The following TMBIM6 variants were observed in gnomAD, a reference collection of about 807,000 sequenced individuals.
The protein encoded by TMBIM6 is bax inhibitor 1.
TMBIM6 carries 13 observed loss-of-function variants against 31.4 expected under a neutral mutation model. The observed-to-expected ratio is 0.41, with a 90% CI of 0.27 to 0.66. TMBIM6 has a LOEUF of 0.66. Ranked by LOEUF, TMBIM6 falls within the 30% of genes least tolerant of loss-of-function variation. The pLI is 0.28. For missense variants in TMBIM6, 275 were observed against 289.5 expected (o/e 0.95, Z 0.36); for synonymous variants, 85 against 101.7 (o/e 0.84, Z 0.99).
rs927680479 is a variant in TMBIM6 at position 49,752,634 on chromosome 12, G to A, written c.56+85G>A. 6 of 1,172,862 alleles carry A rather than the reference G, an allele frequency of 5.1e-6. No homozygotes were observed. The Admixed American group carries it at 5.7e-5, about 11-fold the overall frequency. 72.7% of individuals were successfully genotyped at this position (1,172,862 alleles called of 1,614,324 possible). ...TTTTCTGCATTTATAACTTTTGTGT[G>A]TATAAGCTAACAAATTAACTTGGCC... On this transcript the variant is annotated intron_variant, in intron 2 of 9. Coordinates refer to ENST00000267115, the MANE Select transcript of TMBIM6 (RefSeq NM_003217.3).
In TMBIM6 at chr12:49,763,796, C is replaced by T. The variant is rs1224012104; in HGVS notation, c.*900C>T. 1 of 152,100 alleles carries T rather than the reference C, an allele frequency of 6.6e-6. No homozygotes were observed. The highest frequency in any genetic ancestry group is 1.5e-5 in the Non-Finnish European group (1 of 68,028). 9.4% of individuals were successfully genotyped at this position (152,100 alleles called of 1,614,324 possible). A position where few individuals can be genotyped will look rare whatever the true frequency, so the allele number is the denominator to read the frequency against. On this transcript the variant is annotated 3_prime_UTR_variant, in exon 10 of 10. Transcript: ENST00000267115. ...GCCTCTGGAGATCATTGTAACCAAT[C>T]CTGCCAGACCTGTTTGGGGCAGTGG...
chr12:49,742,096 G>A (rs746657254), intron 1 of TMBIM6: 251 of 1,594,676 alleles, frequency 1.6e-4, no homozygotes, highest in Non-Finnish European at 2.0e-4. Flanking sequence ...TGGGTGAGCG[G>A]CCCGGAGCCA....
intron 3 of TMBIM6, 40 bp from the exon 4 acceptor site, chr12:49,755,595 T>A (rs1489227228): frequency 6.2e-7 from 1 of 1,603,258 alleles, no homozygotes; most frequent in Admixed American, 1.8e-5. Context: ...AATTTGAAAC[T>A]TTCAAGTGTT....
rs1439571736 is a variant in TMBIM6 at position 49,764,440 on chromosome 12, T to TTCCTGGAG, written c.*1546_*1553dup. 1.3e-5 allele frequency: 2 copies of TTCCTGGAG among 152,422 alleles called. No individual in the cohort carries two copies. Among genetic ancestry groups the TTCCTGGAG allele is most frequent in the Non-Finnish European group, 2.9e-5 (2 of 68,034 alleles). 9.4% of individuals were successfully genotyped at this position (152,422 alleles called of 1,614,324 possible). On this transcript the variant is annotated 3_prime_UTR_variant, in exon 10 of 10. Transcript: ENST00000267115. ...ATCATTTGTTTCTAAGTTGTGTTTATTCCTGGAGTGACATGCCACCCCGAA... is the reference window on the plus strand; with the variant it reads ...ATCATTTGTTTCTAAGTTGTGTTTATTCCTGGAGTCCTGGAGTGACATGCCACCCCGAA...
At chr12:49,758,877 TC>T in intron 7 of TMBIM6, 115 bp downstream of exon 7, 1 of 888,258 alleles carries the variant, frequency 1.1e-6, no homozygotes, top group Non-Finnish European at 1.7e-6. Context: ...CTCTAAGCCT[TC>T]CCATTATCCT....
chr12:49,755,868 C>T (rs149452112), intron 4 of TMBIM6, 113 bp downstream of exon 4: 48 of 1,264,290 alleles, frequency 3.8e-5, no homozygotes, highest in Middle Eastern at 5.7e-4. Context: ...GAGTCTCGCT[C>T]TGTTGCCCAG....
intron 1 of TMBIM6, 58 bp from the exon 2 acceptor site, chr12:49,752,406 T>A: frequency 8.6e-7 from 1 of 1,165,066 alleles, no homozygotes; most frequent in South Asian, 1.5e-5. Context: ...TTTTTTTTTA[T>A]AAGCTGTTCG....
intron 8 of TMBIM6, among the ~76,000 whole-genome samples, chr12:49,760,521 C>A (rs1945696243): frequency 6.8e-6 from 1 of 147,894 alleles, no homozygotes; most frequent in Non-Finnish European, 1.5e-5. Flanking sequence ...CTTAAGCCAC[C>A]ATGCCCAGCC....
Position 49,758,242 on chromosome 12 carries a change from C to T in TMBIM6, c.302C>T (p.Pro101Leu). The change falls in exon 5 of 10, where the codon CCT (proline) becomes CTT (leucine). Residue 101 changes from proline (P) to leucine (L), a missense_variant. Coordinates refer to ENST00000267115, the MANE Select transcript of TMBIM6 (RefSeq NM_003217.3). ...TGTTTTCTAGGAGTTGGCCTGGGCC[C>T]TGCCCTGGAGTTTTGTATTGCTGTC... Reference protein sequence around the residue: ...FAFLTGVGLGPALEFCIAVNP... With the variant: ...FAFLTGVGLGLALEFCIAVNP... The T allele has an allele frequency of 1.2e-6, 2 of 1,614,248 alleles. No homozygotes were observed. Among genetic ancestry groups the T allele is most frequent in the Non-Finnish European group, 8.5e-7 (1 of 1,180,044 alleles).
chr12:49,759,224 A>G lies in TMBIM6; in HGVS notation c.517A>G (p.Asn173Asp), dbSNP rs150261592. ...FFGSIWLFQA[N>D]LYVGLVVMCG... ...CTTCATCTCTTACATTTGTTAGGCA[A>G]ACCTGTATGTGGGACTGGTGGTCAT... Residue 173 changes from asparagine to aspartate, a missense_variant, in exon 8 of 10, where the codon AAC (asparagine) becomes GAC (aspartate). Coordinates refer to ENST00000267115, the MANE Select transcript of TMBIM6 (RefSeq NM_003217.3). 8.1e-6 allele frequency: 13 copies of G among 1,614,032 alleles called. No individual in the cohort carries two copies. Among genetic ancestry groups the G allele is most frequent in the Non-Finnish European group, 1.0e-5 (12 of 1,179,934 alleles).
intron 1 of TMBIM6, chr12:49,743,619 T>C (rs572111216): frequency 1.2e-4 from 19 of 152,348 alleles, no homozygotes; most frequent in African/African-American, 4.1e-4. Flanking sequence ...TGATTATAGA[T>C]ATAGTTCGCG....
intron 1 of TMBIM6, among the ~76,000 whole-genome samples, chr12:49,746,808 A>G (rs1028747817): frequency 6.6e-6 from 1 of 151,938 alleles, no homozygotes. Context: ...ACTACTGACA[A>G]ATTACTAACA....
rs764042977 is a variant in TMBIM6 at position 49,759,354 on chromosome 12, A to T, written c.614+33A>T. 3 of 1,566,854 alleles carry T rather than the reference A, an allele frequency of 1.9e-6. No homozygotes were observed. In the South Asian group the frequency reaches 3.3e-5, roughly 17 times the overall value. On this transcript the variant is annotated intron_variant, in intron 8 of 9. Transcript: ENST00000267115. ...TGGGAACTAGTCTTTAACAAGCATG[A>T]AGGTTGAGGCATACCGTTCAGCAGC...
chr12:49,761,689 G>A lies in TMBIM6; in HGVS notation c.615-15G>A, dbSNP rs775283855. 5 of 1,613,218 alleles carry A rather than the reference G, an allele frequency of 3.1e-6. No homozygotes were observed. The highest frequency in any genetic ancestry group is 1.1e-5 in the South Asian group (1 of 91,034). On this transcript the variant is annotated splice_polypyrimidine_tract_variant and intron_variant, in intron 8 of 9. Coordinates refer to ENST00000267115, the MANE Select transcript of TMBIM6 (RefSeq NM_003217.3). ...AGTCTGAAGTACAGATCCTAATCTG[G>A]TTCTTGCCTTTCAGGCACTGCATTG...
At position 49,753,595 on chromosome 12, in the gene TMBIM6, T is replaced by C. The variant is rs188086713; in HGVS notation, c.165+514T>C. On this transcript the variant is annotated intron_variant, in intron 3 of 9. Coordinates refer to ENST00000267115, the MANE Select transcript of TMBIM6 (RefSeq NM_003217.3). ...GGTCAGCAGGAGTAGAAGGTACAGT[T>C]TGAGGAATAACCAGAAAGTTTGAAG... is the stretch of plus-strand genomic sequence containing the variant. 3.9e-5 allele frequency among the ~76,000 whole-genome samples: 6 copies of C among 152,344 alleles called. No individual in the cohort carries two copies. In the East Asian group the frequency reaches 9.6e-4, roughly 24 times the overall value.
In TMBIM6 at chr12:49,749,022, A is replaced by G. The variant is rs143734565; in HGVS notation, c.-30-3442A>G. On this transcript the variant is annotated intron_variant, in intron 1 of 9. Transcript: ENST00000267115. ...GCTCCTAGAATGGAAAATACTTGAT[A>G]TGAGAGCTGCTATTTTTGAGTTAAG... is the stretch of plus-strand genomic sequence containing the variant. Among the ~76,000 whole-genome samples the G allele has an allele frequency of 3.2e-3, 487 of 152,346 alleles. 2 individuals carry two copies. Among genetic ancestry groups the G allele is most frequent in the South Asian group, 0.017 (80 of 4,822 alleles).
At chr12:49,742,052 C>G (rs944504126) in intron 1 of TMBIM6, 4 of 1,534,110 alleles carry the variant, frequency 2.6e-6, no homozygotes, top group Admixed American at 2.0e-5. Context: ...GATTGCTGTT[C>G]GGCTGCGGGC....
At chr12:49,760,967 G>A (rs1288882513) in intron 8 of TMBIM6, among the ~76,000 whole-genome samples, 2 of 152,002 alleles carry the variant, frequency 1.3e-5, no homozygotes, top group African/African-American at 2.4e-5. Context: ...AACATCCTGA[G>A]TAGCTGGGAT....
In TMBIM6 at chr12:49,764,445, G is replaced by A. The variant is rs1205371740; in HGVS notation, c.*1549G>A. Reference sequence around the variant, plus strand: ...TTGTTTCTAAGTTGTGTTTATTCCTGGAGTGACATGCCACCCCGAATGGCT... The same window carrying A: ...TTGTTTCTAAGTTGTGTTTATTCCTAGAGTGACATGCCACCCCGAATGGCT... On this transcript the variant is annotated 3_prime_UTR_variant, in exon 10 of 10. Coordinates refer to ENST00000267115, the MANE Select transcript of TMBIM6 (RefSeq NM_003217.3). 6.6e-6 allele frequency: 1 copy of A among 152,314 alleles called. No homozygotes were observed. Among genetic ancestry groups the A allele is most frequent in the East Asian group, 1.9e-4 (1 of 5,194 alleles). 9.4% of individuals were successfully genotyped at this position (152,314 alleles called of 1,614,324 possible). A position where few individuals can be genotyped will look rare whatever the true frequency, so the allele number is the denominator to read the frequency against.
Sources: allele counts gnomAD v4.1 joint callset (sites outside exome capture counted in the v4.1 genomes callset), GRCh38; gene constraint gnomAD v4.1.1; transcripts MANE v1.5; gene names NCBI Gene and HGNC (gene_info 2026-07-23, HGNC 2026-07-21).